The following HMGCLL1 variants were observed in gnomAD, a reference collection of about 807,000 sequenced individuals.
HMGCLL1 encodes 3-hydroxymethyl-3-methylglutaryl-CoA lyase, cytoplasmic.
HMGCLL1 carries 36 observed loss-of-function variants against 39.1 expected under a neutral mutation model. The observed-to-expected ratio is 0.92, with a 90% CI of 0.71 to 1.22. HMGCLL1 has a LOEUF of 1.22. HMGCLL1 is among the 50% of genes most tolerant of loss of function. The pLI is 0.00. For synonymous variants in HMGCLL1, 149 were observed against 144.0 expected, an observed-to-expected ratio of 1.03 and a Z score of -0.25; for missense variants, 451 against 416.5, an observed-to-expected ratio of 1.08 and a Z score of -0.72.
intron 7 of HMGCLL1, among the ~76,000 whole-genome samples, chr6:55,476,849 T>TGAAATAAGCCAGGCACAGAAAGACAA (rs1765312580): frequency 1.4e-5 from 2 of 147,232 alleles, no homozygotes; most frequent in African/African-American, 5.3e-5. Flanking sequence ...ATCAAGGTTA[T>TGAAATAAGCCAGGCACAGAAAGACAA]ACTGGACTCA....
intron 7 of HMGCLL1, among the ~76,000 whole-genome samples, chr6:55,441,054 A>C (rs1581782850): frequency 6.6e-6 from 1 of 150,998 alleles, no homozygotes; most frequent in South Asian, 2.1e-4. Flanking sequence ...GGAACATTGC[A>C]GTAGGTACAG....
intron 7 of HMGCLL1, among the ~76,000 whole-genome samples, chr6:55,446,689 A>G (rs557479768): frequency 2.3e-4 from 35 of 152,134 alleles, no homozygotes; most frequent in African/African-American, 7.9e-4. Flanking sequence ...TAAAAGTACC[A>G]TCACAACTTT....
chr6:55,592,049 T>G, the HMGCLL1 span, among the ~76,000 whole-genome samples: 1 of 151,994 alleles, frequency 6.6e-6, no homozygotes, highest in Non-Finnish European at 1.5e-5. Flanking sequence ...GAAAACTTTT[T>G]TGCTCATTCA....
intron 1 of HMGCLL1, among the ~76,000 whole-genome samples, chr6:55,553,277 G>T (rs1384697421): frequency 6.6e-6 from 1 of 151,212 alleles, no homozygotes; most frequent in Non-Finnish European, 1.5e-5. Flanking sequence ...GTGTATGTAT[G>T]TATGTATGTA....
chr6:55,593,164 G>T, the HMGCLL1 span, among the ~76,000 whole-genome samples: 288 of 152,144 alleles, frequency 1.9e-3, 1 homozygote, highest in Non-Finnish European at 2.9e-3. Context: ...GATATTTAAA[G>T]ACCAGGTCAA....
the HMGCLL1 span, among the ~76,000 whole-genome samples, chr6:55,621,737 T>C: frequency 6.6e-6 from 1 of 152,080 alleles, no homozygotes; most frequent in Non-Finnish European, 1.5e-5. Context: ...ATAAATGTAC[T>C]GTTCTTTAAT....
At chr6:55,633,625 A>G in the HMGCLL1 span, among the ~76,000 whole-genome samples, 1 of 152,058 alleles carries the variant, frequency 6.6e-6, no homozygotes, top group Non-Finnish European at 1.5e-5. Context: ...TCAGGGAATC[A>G]CTGTTGGTTT....
At chr6:55,436,337 T>C (rs942154075) in intron 8 of HMGCLL1, among the ~76,000 whole-genome samples, 4 of 152,058 alleles carry the variant, frequency 2.6e-5, no homozygotes, top group African/African-American at 4.8e-5. Flanking sequence ...AGTACACATC[T>C]GGAACTTGTT....
chr6:55,525,276 T>A (rs1768261793), intron 3 of HMGCLL1, among the ~76,000 whole-genome samples: 1 of 151,844 alleles, frequency 6.6e-6, no homozygotes. Flanking sequence ...CCTCTAAATG[T>A]TTAGGCTCTA....
rs558702390 is a variant in HMGCLL1, at chr6:55,501,653, A to C, written c.543-2354T>G. ...GCACAGAATCACCTTGGTGCTTTAA[A>C]AAAGATAAACACTGATGCTTAGGAT... On this transcript the variant is annotated intron_variant, in intron 5 of 8. Coordinates refer to ENST00000274901, the MANE Select transcript of HMGCLL1 (RefSeq NM_001042406.2). Among the ~76,000 whole-genome samples the C allele has an allele frequency of 7.2e-5, 11 of 152,052 alleles. No individual in the cohort carries two copies. The South Asian group carries it at 2.3e-3, about 31-fold the overall frequency.
At chr6:55,579,321 T>C, upstream of HMGCLL1, 1 of 547,222 alleles carries the variant, frequency 1.8e-6, no homozygotes. Flanking sequence ...AGAAAGGAGC[T>C]GAGCCAGAGG....
At chr6:55,627,502 G>A in the HMGCLL1 span, among the ~76,000 whole-genome samples, 2 of 151,930 alleles carry the variant, frequency 1.3e-5, no homozygotes, top group African/African-American at 2.4e-5. Flanking sequence ...GGGTGGACTT[G>A]TGATGGTTAA....
intron 1 of HMGCLL1, among the ~76,000 whole-genome samples, chr6:55,544,621 A>G (rs10948942): frequency 0.65 from 98,459 of 151,938 alleles, 32,200 homozygotes; most frequent in Admixed American, 0.71. Context: ...TGAATGCAGA[A>G]CCAAATTCAA....
rs949481745 is a variant in HMGCLL1, at chr6:55,495,162, C to T, written c.795+257G>A. 7.2e-5 allele frequency among the ~76,000 whole-genome samples: 11 copies of T among 152,170 alleles called. No homozygotes were observed. The East Asian group carries it at 2.1e-3, about 29-fold the overall frequency. The stretch of plus-strand genomic sequence containing the variant: ...AGAGAAACAAGCAGACATAACTCTG[C>T]TAAGATTAATACTTTTCAAAAGAAT... On this transcript the variant is annotated intron_variant, in intron 7 of 8. Coordinates refer to ENST00000274901, the MANE Select transcript of HMGCLL1 (RefSeq NM_001042406.2).
At chr6:55,519,793 C>T (rs181945835) in intron 3 of HMGCLL1, among the ~76,000 whole-genome samples, 1 of 151,904 alleles carries the variant, frequency 6.6e-6, no homozygotes, top group Admixed American at 6.6e-5. Context: ...TAACCAAATA[C>T]AGATTTGGAT....
chr6:55,651,606 T>C, the HMGCLL1 span, among the ~76,000 whole-genome samples: 2 of 152,140 alleles, frequency 1.3e-5, no homozygotes, highest in East Asian at 1.9e-4. Context: ...TCTCCCTAGG[T>C]CATGTGCCAC....
the HMGCLL1 span, among the ~76,000 whole-genome samples, chr6:55,673,453 A>T: frequency 6.6e-6 from 1 of 152,016 alleles, no homozygotes; most frequent in Admixed American, 6.6e-5. Flanking sequence ...ACATAAAGAT[A>T]ACTGATGCAA....
intron 1 of HMGCLL1, among the ~76,000 whole-genome samples, chr6:55,571,953 G>A (rs1379035996): frequency 1.3e-5 from 2 of 152,094 alleles, no homozygotes; most frequent in South Asian, 2.1e-4. Flanking sequence ...TAGTCTTAAA[G>A]CACTTAATTT....
rs1763331838 is a variant in HMGCLL1, at chr6:55,435,461, C to T, written c.*201G>A. The stretch of plus-strand genomic sequence containing the variant: ...ATTATGACAAGTTTTATTATTTATC[C>T]TCAGCTTGCAATTTACCTGATGACT... On this transcript the variant is annotated 3_prime_UTR_variant, in exon 9 of 9. Transcript: ENST00000274901. 7.9e-6 allele frequency: 3 copies of T among 378,784 alleles called. No individual in the cohort carries two copies. The highest frequency in any genetic ancestry group is 7.8e-5 in the East Asian group (2 of 25,662). 23.5% of individuals were successfully genotyped at this position (378,784 alleles called of 1,614,324 possible). A position where few individuals can be genotyped will look rare whatever the true frequency, so the allele number is the denominator to read the frequency against.
Sources: allele counts gnomAD v4.1 joint callset (sites outside exome capture counted in the v4.1 genomes callset), GRCh38; gene constraint gnomAD v4.1.1; transcripts MANE v1.5; gene names NCBI Gene and HGNC (gene_info 2026-07-23, HGNC 2026-07-21).